The following FANCB variants were observed in gnomAD, a reference collection of about 807,000 sequenced individuals.
FANCB encodes FA complementation group B, also known as Fanconi anemia group B protein.
A neutral mutation model predicts 38.9 loss-of-function variants in FANCB; 5 were observed. The observed-to-expected ratio is 0.13, with a 90% confidence interval of 0.07 to 0.27. FANCB has a LOEUF of 0.27. FANCB is among the 10% of genes least tolerant of loss of function. The pLI, the probability that FANCB is intolerant of heterozygous loss-of-function variation, is 1.00. For missense variants in FANCB, 573 were observed against 602.7 expected (o/e 0.95, Z 0.52); for synonymous variants, 236 against 215.4 (o/e 1.10, Z -0.84).
chrX:14,730,254 G>A, the FANCB span: 260 of 1,197,147 alleles, frequency 2.2e-4, no homozygotes, highest in Middle Eastern at 7.4e-3. Flanking sequence ...GCGGTTATGG[G>A]ATGGGTCACT....
At chrX:14,732,235 T>C in the FANCB span, among the ~76,000 whole-genome samples, 1 of 112,224 alleles carries the variant, frequency 8.9e-6, no homozygotes, top group Non-Finnish European at 1.9e-5. Flanking sequence ...TATGGCTGCA[T>C]AGTATTCCAT....
the FANCB span, among the ~76,000 whole-genome samples, chrX:14,797,790 A>G: frequency 8.1e-3 from 902 of 111,247 alleles, 6 homozygotes; most frequent in Middle Eastern, 0.019. Context: ...AGGAATATCA[A>G]AGAATTTGTG....
At chrX:14,737,874 CA>C in the FANCB span, among the ~76,000 whole-genome samples, 30 of 111,715 alleles carry the variant, frequency 2.7e-4, 1 homozygote, top group South Asian at 0.01. Flanking sequence ...CCTTTCTCTG[CA>C]AAACAGTAAA....
chrX:14,725,239 C>T, the FANCB span, among the ~76,000 whole-genome samples: 2 of 111,259 alleles, frequency 1.8e-5, no homozygotes, highest in South Asian at 3.8e-4. Flanking sequence ...CCCAAAGTAC[C>T]CATGATACAA....
At chrX:14,735,210 C>T in the FANCB span, among the ~76,000 whole-genome samples, 26 of 109,770 alleles carry the variant, frequency 2.4e-4, no homozygotes, top group South Asian at 1.9e-3. Context: ...TGTTATTACC[C>T]GCCTTCTGAA....
At chrX:14,796,555 TTA>T in the FANCB span, among the ~76,000 whole-genome samples, 27 of 97,811 alleles carry the variant, frequency 2.8e-4, no homozygotes, top group East Asian at 2.1e-3. Flanking sequence ...ATATAATAAA[TTA>T]TATGTTATAT....
the FANCB span, among the ~76,000 whole-genome samples, chrX:14,793,550 AC>A: frequency 8.9e-6 from 1 of 112,406 alleles, no homozygotes; most frequent in Admixed American, 9.4e-5. Flanking sequence ...TAAAGCTGTT[AC>A]GAAAAAAAGA....
chrX:14,730,081 A>G, the FANCB span: 2 of 522,800 alleles, frequency 3.8e-6, no homozygotes, highest in Non-Finnish European at 6.7e-6. Context: ...AGAACTCGCT[A>G]TTCCAAAAGC....
At chrX:14,789,042 T>C in the FANCB span, among the ~76,000 whole-genome samples, 14 of 112,298 alleles carry the variant, frequency 1.2e-4, no homozygotes, top group African/African-American at 3.6e-4. Context: ...GGTCCTATCC[T>C]ATGTAAAACA....
chrX:14,692,501 G>A, the FANCB span, among the ~76,000 whole-genome samples: 1 of 111,788 alleles, frequency 8.9e-6, no homozygotes, highest in Non-Finnish European at 1.9e-5. Context: ...TTTTACATAT[G>A]GTAATACTGC....
At chrX:14,744,767 T>A in the FANCB span, among the ~76,000 whole-genome samples, 1 of 111,878 alleles carries the variant, frequency 8.9e-6, no homozygotes, top group African/African-American at 3.2e-5. Flanking sequence ...CTTGGATGGA[T>A]CTTTTTTTTC....
the FANCB span, among the ~76,000 whole-genome samples, chrX:14,763,616 G>T: frequency 1.3e-4 from 15 of 111,690 alleles, no homozygotes; most frequent in Middle Eastern, 9.2e-3. Context: ...AATTTGTCAA[G>T]CTGCACAGTT....
chrX:14,735,828 G>A, the FANCB span, among the ~76,000 whole-genome samples: 17 of 110,994 alleles, frequency 1.5e-4, no homozygotes, highest in South Asian at 1.9e-3. Context: ...GCTGAAGTGC[G>A]CCCACAGCCG....
chrX:14,780,218 G>A, the FANCB span, among the ~76,000 whole-genome samples: 2 of 110,633 alleles, frequency 1.8e-5, no homozygotes, highest in Non-Finnish European at 3.8e-5. Flanking sequence ...AAAACTACTC[G>A]GTATGTCAGA....
chrX:14,775,160 G>GTTTTTTTTTTTTTTTTTT, the FANCB span, among the ~76,000 whole-genome samples: 1 of 35,001 alleles, frequency 2.9e-5, no homozygotes, highest in Non-Finnish European at 6.0e-5. Context: ...TTTCTCTAAT[G>GTTTTTTTTTTTTTTTTTT]TTTTTTTTTT....
chrX:14,759,241 A>G, the FANCB span, among the ~76,000 whole-genome samples: 1 of 111,944 alleles, frequency 8.9e-6, no homozygotes, highest in Non-Finnish European at 1.9e-5. Flanking sequence ...ACCAAACCTA[A>G]GAATAATTGG....
At chrX:14,848,399 T>C (rs1414383864) in intron 7 of FANCB, among the ~76,000 whole-genome samples, 1 of 110,714 alleles carries the variant, frequency 9.0e-6, no homozygotes, top group Admixed American at 9.5e-5. Flanking sequence ...AGAGAGCCTA[T>C]AAATGGACGC....
chrX:14,747,902 G>GA, the FANCB span, among the ~76,000 whole-genome samples: 4 of 111,906 alleles, frequency 3.6e-5, no homozygotes, highest in African/African-American at 1.3e-4. Context: ...AATTGGAAAA[G>GA]GGCTCCTTTA....
chrX:14,780,607 C>T, the FANCB span, among the ~76,000 whole-genome samples: 2 of 110,541 alleles, frequency 1.8e-5, no homozygotes, highest in African/African-American at 6.8e-5. Flanking sequence ...GCAGATTTTA[C>T]CGTAAAGAGC....
Sources: allele counts gnomAD v4.1 joint callset (sites outside exome capture counted in the v4.1 genomes callset), GRCh38; gene constraint gnomAD v4.1.1; transcripts MANE v1.5; gene names NCBI Gene and HGNC (gene_info 2026-07-23, HGNC 2026-07-21).